Variants in SDK1 observed in about 807,000 individuals in gnomAD.
SDK1 encodes the protein sidekick cell adhesion molecule 1, also known as protein sidekick-1.
In SDK1, 157 loss-of-function variants were observed where a neutral mutation model predicts 245.5. That is an observed-to-expected ratio of 0.64 (90% CI 0.56 to 0.73). The LOEUF (loss-of-function observed/expected upper bound fraction) is 0.73. Ranked by LOEUF, SDK1 falls within the 30% of genes least tolerant of loss-of-function variation. The pLI, the probability that SDK1 is intolerant of heterozygous loss-of-function variation, is 0.00. For synonymous variants in SDK1, 1,647 were observed against 1,278.5 expected, an observed-to-expected ratio of 1.29 and a Z score of -6.15; for missense variants, 3,583 against 3,002.3, an observed-to-expected ratio of 1.19 and a Z score of -4.52.
At chr7:3,525,837 T>G (rs1367799141) in intron 1 of SDK1, among the ~76,000 whole-genome samples, 1 of 152,202 alleles carries the variant, frequency 6.6e-6, no homozygotes, top group East Asian at 1.9e-4. Context: ...TGTAATAATT[T>G]GTCTTATTTA....
intron 5 of SDK1, among the ~76,000 whole-genome samples, chr7:3,835,792 GACAA>G (rs35411604): frequency 0.19 from 28,589 of 152,044 alleles, 2,868 homozygotes; most frequent in Middle Eastern, 0.35. Flanking sequence ...GGAATCAAAA[GACAA>G]ACAAGCAATT....
At chr7:4,205,381 C>T (rs977583472) in intron 35 of SDK1, among the ~76,000 whole-genome samples, 7 of 152,132 alleles carry the variant, frequency 4.6e-5, no homozygotes, top group African/African-American at 1.7e-4. Context: ...GTGACTCCCT[C>T]GCCGATAGAG....
chr7:3,686,236 C>G (rs560972890), intron 4 of SDK1, among the ~76,000 whole-genome samples: 1 of 152,238 alleles, frequency 6.6e-6, no homozygotes, highest in South Asian at 2.1e-4. Flanking sequence ...CCACCATTCC[C>G]AGCTTATTTT....
intron 1 of SDK1, among the ~76,000 whole-genome samples, chr7:3,371,170 C>G (rs1038386684): frequency 2.3e-4 from 35 of 152,276 alleles, no homozygotes; most frequent in Admixed American, 1.2e-3. Flanking sequence ...TCACACGTTA[C>G]TAGCCAGGCT....
intron 4 of SDK1, among the ~76,000 whole-genome samples, chr7:3,798,342 C>T (rs1309562067): frequency 4.0e-5 from 6 of 151,418 alleles, no homozygotes; most frequent in Non-Finnish European, 7.4e-5. Context: ...CTCAGCCTCC[C>T]GAGTAGCTGG....
intron 5 of SDK1, among the ~76,000 whole-genome samples, chr7:3,852,181 T>C (rs550374191): frequency 6.6e-6 from 1 of 152,038 alleles, no homozygotes; most frequent in South Asian, 2.1e-4. Flanking sequence ...TCTAGGCTTT[T>C]TTTTTTTTTT....
chr7:3,327,273 A>T (rs9969312), intron 1 of SDK1, among the ~76,000 whole-genome samples: 1 of 152,032 alleles, frequency 6.6e-6, no homozygotes, highest in South Asian at 2.1e-4. Context: ...ATTTGAGGGA[A>T]GAGGCTGATG....
intron 5 of SDK1, among the ~76,000 whole-genome samples, chr7:3,822,193 A>G (rs1779663265): frequency 1.3e-5 from 2 of 152,226 alleles, no homozygotes; most frequent in Non-Finnish European, 2.9e-5. Context: ...TAATTGCTAA[A>G]GAAGGGAAAA....
intron 5 of SDK1, among the ~76,000 whole-genome samples, chr7:3,905,733 T>C (rs1043133738): frequency 1.3e-5 from 2 of 151,816 alleles, no homozygotes; most frequent in Admixed American, 1.3e-4. Flanking sequence ...AGCAATCTTC[T>C]AGACTCAGCC....
chr7:3,558,307 G>C (rs1779650277), intron 1 of SDK1, among the ~76,000 whole-genome samples: 4 of 152,190 alleles, frequency 2.6e-5, no homozygotes, highest in Admixed American at 2.6e-4. Context: ...TTGGAACCTA[G>C]GACACATTCT....
rs369205673 is a variant in SDK1, at chr7:4,120,864, A to G, written c.3824-6517A>G. ...CTCCTGACCTCAAGTTATCTGCCCA[A>G]CTTGGTTTCCCAAGGTGCTGGGATT... On this transcript the variant is annotated intron_variant, in intron 25 of 44. Transcript: ENST00000404826. Among the ~76,000 whole-genome samples the G allele has an allele frequency of 1.6e-4, 24 of 151,602 alleles. No individual in the cohort carries two copies. In the East Asian group the frequency reaches 2.9e-3, roughly 18 times the overall value.
intron 1 of SDK1, among the ~76,000 whole-genome samples, chr7:3,420,723 A>T (rs10258501): frequency 1.3e-5 from 2 of 152,076 alleles, no homozygotes; most frequent in Non-Finnish European, 2.9e-5. Flanking sequence ...TCTTTATGGA[A>T]GAATTTGCGA....
chr7:3,761,980 G>A (rs1242682799), intron 4 of SDK1, among the ~76,000 whole-genome samples: 7 of 152,154 alleles, frequency 4.6e-5, no homozygotes, highest in Non-Finnish European at 8.8e-5. Context: ...CTAGTGAAAT[G>A]CTTTCTTTGT....
intron 1 of SDK1, among the ~76,000 whole-genome samples, chr7:3,389,028 C>T (rs985794834): frequency 7.2e-5 from 11 of 152,034 alleles, no homozygotes; most frequent in Middle Eastern, 3.2e-3. Flanking sequence ...TTTTTGGTAG[C>T]GTAGTTTGGA....
At chr7:3,922,598 G>C (rs1779631908) in intron 5 of SDK1, among the ~76,000 whole-genome samples, 1 of 152,176 alleles carries the variant, frequency 6.6e-6, no homozygotes, top group Non-Finnish European at 1.5e-5. Context: ...CTGTTATTGT[G>C]TTTAATGTCC....
At chr7:4,048,688 G>A (rs963879207) in intron 17 of SDK1, among the ~76,000 whole-genome samples, 4 of 152,194 alleles carry the variant, frequency 2.6e-5, no homozygotes, top group African/African-American at 9.7e-5. Flanking sequence ...TCACGAGTTT[G>A]CTGCTCTGCA....
intron 4 of SDK1, among the ~76,000 whole-genome samples, chr7:3,770,537 G>A (rs527478601): frequency 6.6e-6 from 1 of 152,196 alleles, no homozygotes; most frequent in East Asian, 1.9e-4. Flanking sequence ...TTGCTTTCCA[G>A]AGTGCCTGTA....
chr7:3,672,903 A>G (rs1231548231), intron 4 of SDK1, among the ~76,000 whole-genome samples: 5 of 148,910 alleles, frequency 3.4e-5, no homozygotes, highest in Non-Finnish European at 7.4e-5. Flanking sequence ...ATCTTTGGGT[A>G]AAAGCTCTAT....
At chr7:4,103,887 AG>A in intron 22 of SDK1, among the ~76,000 whole-genome samples, 1 of 152,396 alleles carries the variant, frequency 6.6e-6, no homozygotes, top group African/African-American at 2.4e-5. Context: ...GAGGCTTTCC[AG>A]GTCAGACGCT....
Sources: gnomAD v4.1 joint callset for allele counts (sites outside exome capture counted in the v4.1 genomes callset) on GRCh38, gnomAD v4.1.1 for gene constraint, MANE v1.5 for transcripts, NCBI Gene and HGNC (gene_info 2026-07-23, HGNC 2026-07-21) for gene names.